The following SEM1 variants were observed in gnomAD, a reference collection of about 807,000 sequenced individuals.
SEM1 encodes the protein SEM1 26S proteasome subunit, also known as 26S proteasome complex subunit SEM1.
In SEM1, 3 loss-of-function variants were observed where a neutral mutation model predicts 12.7. That is an observed-to-expected ratio of 0.24 (90% CI 0.11 to 0.61). The LOEUF (loss-of-function observed/expected upper bound fraction) is 0.61, where lower values mean the gene tolerates loss of function less well. Among genes scored for constraint, SEM1 ranks in the 20% least tolerant of loss-of-function variants. The pLI is 0.88. For missense variants in SEM1, 59 were observed against 81.3 expected, an observed-to-expected ratio of 0.73 and a Z score of 1.06; for synonymous variants, 30 against 27.8, an observed-to-expected ratio of 1.08 and a Z score of -0.25.
chr7:96,650,521 T>C (rs750410276), intron 2 of SEM1: 3 of 753,568 alleles, frequency 4.0e-6, no homozygotes, highest in South Asian at 2.8e-5. Flanking sequence ...TTCTCACAGC[T>C]TTAGCATGAA....
chr7:96,626,750 C>A (rs890290104), intron 2 of SEM1, among the ~76,000 whole-genome samples: 12 of 151,932 alleles, frequency 7.9e-5, no homozygotes, highest in African/African-American at 2.4e-4. Flanking sequence ...AGTTAGTTTT[C>A]TTTTATTGAT....
intron 2 of SEM1, among the ~76,000 whole-genome samples, chr7:96,668,087 G>C (rs1252919078): frequency 1.3e-5 from 2 of 152,158 alleles, no homozygotes; most frequent in African/African-American, 4.8e-5. Flanking sequence ...CTTGAAAGTT[G>C]AATTCCTATA....
chr7:96,577,702 T>C (rs1489541309), intron 2 of SEM1, among the ~76,000 whole-genome samples: 5 of 152,028 alleles, frequency 3.3e-5, no homozygotes, highest in South Asian at 2.1e-4. Context: ...AGGTGACTGA[T>C]AGAAGCAAAA....
chr7:96,659,098 C>T (rs534426554), intron 2 of SEM1, among the ~76,000 whole-genome samples: 53 of 151,950 alleles, frequency 3.5e-4, no homozygotes, highest in Non-Finnish European at 4.7e-4. Flanking sequence ...GGAAAGCCAG[C>T]GTGCAAAATC....
At chr7:96,518,477 G>A (rs1804166159) in intron 2 of SEM1, among the ~76,000 whole-genome samples, 1 of 152,104 alleles carries the variant, frequency 6.6e-6, no homozygotes. Context: ...CTGTGTCTGT[G>A]GCATGTGTAG....
intron 2 of SEM1, among the ~76,000 whole-genome samples, chr7:96,548,983 T>C (rs553405788): frequency 9.2e-5 from 14 of 152,262 alleles, no homozygotes; most frequent in South Asian, 8.3e-4. Flanking sequence ...GCTCGTACTG[T>C]ATTGATAGTC....
intron 2 of SEM1, among the ~76,000 whole-genome samples, chr7:96,548,729 T>A (rs947084514): frequency 3.9e-5 from 6 of 152,162 alleles, no homozygotes; most frequent in Non-Finnish European, 1.5e-5. Context: ...ACAGGTACTT[T>A]CCCCGTTTTG....
chr7:96,514,833 T>C (rs949487172), intron 2 of SEM1, among the ~76,000 whole-genome samples: 1 of 151,690 alleles, frequency 6.6e-6, no homozygotes. Flanking sequence ...AGATATCAGT[T>C]TTTCTCACCT....
rs545960220 is a variant in SEM1 at position 96,569,932 on chromosome 7, G to A, written c.171-63234C>T. ...GCCACATTTCCTTTATCTAATTATC[G>A]TTGATGGAAACTTAGGTTGATTCTT... On this transcript the variant is annotated intron_variant and NMD_transcript_variant, in intron 2 of 3. Coordinates refer to the SEM1 transcript ENST00000466986. Among the ~76,000 whole-genome samples, 10 of 151,706 alleles carry A rather than the reference G, an allele frequency of 6.6e-5. No homozygotes were observed. The South Asian group carries it at 1.9e-3, about 28-fold the overall frequency.
chr7:96,681,710 T>C (rs988479777), intron 2 of SEM1, among the ~76,000 whole-genome samples: 40 of 152,164 alleles, frequency 2.6e-4, no homozygotes, highest in African/African-American at 8.7e-4. Flanking sequence ...TGTGGTGTTA[T>C]TTCTGAGGCC....
chr7:96,608,892 C>T (rs928107749), intron 2 of SEM1, among the ~76,000 whole-genome samples: 2 of 152,150 alleles, frequency 1.3e-5, no homozygotes, highest in African/African-American at 4.8e-5. Flanking sequence ...TTTGTGTACA[C>T]ATTTTTGTGT....
At chr7:96,586,993 T>C (rs1173761992) in intron 2 of SEM1, among the ~76,000 whole-genome samples, 2 of 152,164 alleles carry the variant, frequency 1.3e-5, no homozygotes, top group African/African-American at 4.8e-5. Flanking sequence ...ATATTATCCA[T>C]ATTCAGGTTT....
At chr7:96,643,928 A>T (rs981749872) in intron 2 of SEM1, among the ~76,000 whole-genome samples, 1 of 152,110 alleles carries the variant, frequency 6.6e-6, no homozygotes, top group African/African-American at 2.4e-5. Context: ...CTCCTTATTA[A>T]CTGCAAATAT....
chr7:96,540,577 C>A (rs553069450), intron 2 of SEM1, among the ~76,000 whole-genome samples: 34 of 151,732 alleles, frequency 2.2e-4, no homozygotes, highest in African/African-American at 7.7e-4. Flanking sequence ...ATAAAGATAC[C>A]TTTGTAAATC....
chr7:96,507,302 G>C (rs1803784482), intron 2 of SEM1, among the ~76,000 whole-genome samples: 1 of 152,022 alleles, frequency 6.6e-6, no homozygotes, highest in African/African-American at 2.4e-5. Context: ...GCAGTATTCA[G>C]GTCAAGGAAA....
At chr7:96,565,036 A>G (rs1196350289) in intron 2 of SEM1, among the ~76,000 whole-genome samples, 2 of 152,024 alleles carry the variant, frequency 1.3e-5, no homozygotes, top group African/African-American at 4.8e-5. Context: ...AGAAAGATAG[A>G]TTACACCAAA....
At chr7:96,574,253 A>T (rs1407509953) in intron 2 of SEM1, among the ~76,000 whole-genome samples, 1 of 152,166 alleles carries the variant, frequency 6.6e-6, no homozygotes, top group African/African-American at 2.4e-5. Context: ...TATCCCTACA[A>T]AGGACATGAA....
intron 2 of SEM1, among the ~76,000 whole-genome samples, chr7:96,655,504 A>G (rs1809150498): frequency 6.7e-6 from 1 of 150,238 alleles, no homozygotes; most frequent in Non-Finnish European, 1.5e-5. Context: ...CCAGGTCTCA[A>G]TCTCTTGACC....
chr7:96,602,574 T>C (rs79487093), intron 2 of SEM1, among the ~76,000 whole-genome samples: 19 of 152,280 alleles, frequency 1.2e-4, no homozygotes, highest in African/African-American at 4.3e-4. Flanking sequence ...ATATAGATAT[T>C]ACCAATATTT....
Sources: gnomAD v4.1 joint callset for allele counts (sites outside exome capture counted in the v4.1 genomes callset) on GRCh38, gnomAD v4.1.1 for gene constraint, MANE v1.5 for transcripts, NCBI Gene and HGNC (gene_info 2026-07-23, HGNC 2026-07-21) for gene names.